The following TNFSF4 variants were observed in gnomAD, a reference collection of about 807,000 sequenced individuals.
The protein encoded by TNFSF4 is tumor necrosis factor ligand superfamily member 4.
In TNFSF4, 4 loss-of-function variants were observed where a neutral mutation model predicts 7.3. The ratio of observed to expected loss-of-function variants is 0.55; its 90% CI spans 0.27 to 1.25. The LOEUF (loss-of-function observed/expected upper bound fraction) is 1.25, where lower values mean the gene tolerates loss of function less well. TNFSF4 is among the 50% of genes most tolerant of loss of function. The pLI is 0.12. For missense variants in TNFSF4, 181 were observed against 208.8 expected, an observed-to-expected ratio of 0.87 and a Z score of 0.82; for synonymous variants, 76 against 83.7, an observed-to-expected ratio of 0.91 and a Z score of 0.50.
At chr1:173,292,993 G>T in the TNFSF4 span, among the ~76,000 whole-genome samples, 24 of 152,188 alleles carry the variant, frequency 1.6e-4, no homozygotes, top group African/African-American at 5.8e-4. Flanking sequence ...AATCTGAGGT[G>T]ACAAAAATAA....
upstream of TNFSF4, among the ~76,000 whole-genome samples, chr1:173,210,582 A>C (rs896025716): frequency 1.3e-5 from 2 of 152,200 alleles, no homozygotes; most frequent in African/African-American, 4.8e-5. Context: ...AGGACTTTGG[A>C]CTTCATGCTG....
At chr1:173,266,422 A>T in the TNFSF4 span, among the ~76,000 whole-genome samples, 4 of 152,150 alleles carry the variant, frequency 2.6e-5, no homozygotes, top group Non-Finnish European at 4.4e-5. Context: ...TCAAAATAGG[A>T]TGAACACCTG....
At chr1:173,279,861 A>C in the TNFSF4 span, among the ~76,000 whole-genome samples, 1 of 152,116 alleles carries the variant, frequency 6.6e-6, no homozygotes, top group Admixed American at 6.6e-5. Context: ...TGTAAAAACA[A>C]AACACAAATC....
chr1:173,321,023 A>C, the TNFSF4 span, among the ~76,000 whole-genome samples: 9 of 152,224 alleles, frequency 5.9e-5, no homozygotes, highest in East Asian at 7.7e-4. Context: ...ATAGCCAAGA[A>C]AATCCTAAGC....
chr1:173,179,667 T>G (rs1649016331), downstream of TNFSF4, among the ~76,000 whole-genome samples: 2 of 152,220 alleles, frequency 1.3e-5, no homozygotes, highest in South Asian at 4.1e-4. Flanking sequence ...ATGTTCATTC[T>G]TCTTCTAGTT....
At chr1:173,193,400 G>A (rs1054240163) in intron 1 of TNFSF4, among the ~76,000 whole-genome samples, 7 of 152,054 alleles carry the variant, frequency 4.6e-5, no homozygotes, top group African/African-American at 7.2e-5. Flanking sequence ...AAGTATAGCC[G>A]TGAATTTTGA....
the TNFSF4 span, among the ~76,000 whole-genome samples, chr1:173,229,441 A>T: frequency 6.6e-6 from 1 of 152,238 alleles, no homozygotes; most frequent in Admixed American, 6.5e-5. Context: ...AGCACTAAAC[A>T]TGGAAAGGAA....
At chr1:173,191,243 C>T (rs943976112) in intron 1 of TNFSF4, among the ~76,000 whole-genome samples, 1 of 152,122 alleles carries the variant, frequency 6.6e-6, no homozygotes, top group African/African-American at 2.4e-5. Context: ...TGACTTCCTC[C>T]GTGTTGGAGT....
the TNFSF4 span, among the ~76,000 whole-genome samples, chr1:173,229,199 A>T: frequency 1.3e-5 from 2 of 152,250 alleles, no homozygotes; most frequent in Non-Finnish European, 1.5e-5. Context: ...CAAGTTACCC[A>T]CAAAGGGAAG....
the TNFSF4 span, among the ~76,000 whole-genome samples, chr1:173,319,586 C>T: frequency 6.6e-6 from 1 of 152,322 alleles, no homozygotes; most frequent in African/African-American, 2.4e-5. Flanking sequence ...CAGGGGTTGA[C>T]AGACACCTCA....
the TNFSF4 span, among the ~76,000 whole-genome samples, chr1:173,374,380 C>T: frequency 6.6e-6 from 1 of 152,124 alleles, no homozygotes; most frequent in Non-Finnish European, 1.5e-5. Context: ...GGACCATACT[C>T]GGTAATCCTC....
At position 173,207,282 on chromosome 1, in the gene TNFSF4, T is replaced by TCAATCAG; in HGVS notation, c.-113_-107dup. The TCAATCAG allele has an allele frequency of 8.8e-7, 1 of 1,130,112 alleles. No individual in the cohort carries two copies. The highest frequency in any genetic ancestry group is 1.2e-6 in the Non-Finnish European group (1 of 803,330). The allele number at this position is 1,130,112 out of a possible 1,614,324, so 70.0% of individuals were successfully genotyped here. ...GGAGGTAAAGACAAAACAAAGCCTATCAATCAGAAAATAGGCAAAGGTCCC... is the reference window on the plus strand; with the variant it reads ...GGAGGTAAAGACAAAACAAAGCCTATCAATCAGCAATCAGAAAATAGGCAAAGGTCCC... On this transcript the variant is annotated 5_prime_UTR_variant, in exon 1 of 3. Coordinates refer to ENST00000281834, the MANE Select transcript of TNFSF4 (RefSeq NM_003326.5).
the TNFSF4 span, among the ~76,000 whole-genome samples, chr1:173,329,925 G>A: frequency 0.083 from 12,679 of 151,942 alleles, 936 homozygotes; most frequent in East Asian, 0.41. Flanking sequence ...CATCACCTGT[G>A]GTCTAGACAT....
chr1:173,306,557 T>G, the TNFSF4 span, among the ~76,000 whole-genome samples: 7 of 151,866 alleles, frequency 4.6e-5, no homozygotes, highest in Non-Finnish European at 1.0e-4. Context: ...CCTGGAGTGG[T>G]TTTGTGGCTT....
the TNFSF4 span, among the ~76,000 whole-genome samples, chr1:173,388,860 C>A: frequency 6.6e-6 from 1 of 152,132 alleles, no homozygotes; most frequent in Admixed American, 6.5e-5. Context: ...AACAAAAATT[C>A]TTGGGCCTCT....
At chr1:173,178,331 T>G in the TNFSF4 span, among the ~76,000 whole-genome samples, 13 of 152,156 alleles carry the variant, frequency 8.5e-5, no homozygotes, top group African/African-American at 3.1e-4. Context: ...ATCCCAGCAC[T>G]TTGGGAGGCC....
At chr1:173,420,100 C>A in the TNFSF4 span, among the ~76,000 whole-genome samples, 2 of 152,162 alleles carry the variant, frequency 1.3e-5, no homozygotes, top group East Asian at 3.9e-4. Flanking sequence ...GTCCTTTCAA[C>A]TCCTCTCTCT....
chr1:173,384,931 G>A, the TNFSF4 span, among the ~76,000 whole-genome samples: 2,586 of 152,262 alleles, frequency 0.017, 81 homozygotes, highest in African/African-American at 0.06. Context: ...TGGGTATATA[G>A]TTCAAATATG....
chr1:173,314,097 A>T, the TNFSF4 span, among the ~76,000 whole-genome samples: 3 of 152,142 alleles, frequency 2.0e-5, no homozygotes, highest in African/African-American at 7.2e-5. Flanking sequence ...AATAAAAATT[A>T]TAATAAATAC....
Sources: allele counts gnomAD v4.1 joint callset (sites outside exome capture counted in the v4.1 genomes callset), GRCh38; gene constraint gnomAD v4.1.1; transcripts MANE v1.5; gene names NCBI Gene and HGNC (gene_info 2026-07-23, HGNC 2026-07-21).